Variants in PPP3R1 observed in about 807,000 individuals in gnomAD.
The protein encoded by PPP3R1 is calcineurin subunit B type 1.
PPP3R1 carries 5 observed loss-of-function variants against 22.6 expected under a neutral mutation model. The ratio of observed to expected loss-of-function variants is 0.22; its 90% CI spans 0.12 to 0.46. The LOEUF (loss-of-function observed/expected upper bound fraction) is 0.46. PPP3R1 is among the 20% of genes least tolerant of loss of function. The pLI is 0.99. For missense variants in PPP3R1, 61 were observed against 203.2 expected, an observed-to-expected ratio of 0.30 and a Z score of 4.25; for synonymous variants, 56 against 65.2, an observed-to-expected ratio of 0.86 and a Z score of 0.68.
intron 2 of PPP3R1, among the ~76,000 whole-genome samples, chr2:68,198,335 ATATG>A (rs1558631061): frequency 8.8e-5 from 8 of 91,092 alleles, no homozygotes; most frequent in African/African-American, 4.0e-4. Context: ...ATATGTACAT[ATATG>A]TACATGTATA....
At chr2:68,240,921 CAG>C (rs1269840236) in intron 1 of PPP3R1, among the ~76,000 whole-genome samples, 1 of 152,152 alleles carries the variant, frequency 6.6e-6, no homozygotes, top group African/African-American at 2.4e-5. Flanking sequence ...TAAAAATGGT[CAG>C]AGAGGTAGAA....
At chr2:68,237,440 C>G (rs1234469273) in intron 1 of PPP3R1, among the ~76,000 whole-genome samples, 1 of 151,976 alleles carries the variant, frequency 6.6e-6, no homozygotes, top group Non-Finnish European at 1.5e-5. Flanking sequence ...CTTGCTCTAC[C>G]ATATCATGTT....
intron 1 of PPP3R1, among the ~76,000 whole-genome samples, chr2:68,246,067 CTTTTTTTTTT>C (rs746584723): frequency 2.0e-4 from 15 of 73,810 alleles, no homozygotes; most frequent in African/African-American, 8.2e-4. Flanking sequence ...TTCTTTCTTT[CTTTTTTTTTT>C]TTTTTTTTTT....
rs1409009358 is a variant in PPP3R1 at position 68,207,012 on chromosome 2, G to A, written c.43+10080C>T. Among the ~76,000 whole-genome samples, 7 of 151,654 alleles carry A rather than the reference G, an allele frequency of 4.6e-5. No homozygotes were observed. The East Asian group carries it at 1.4e-3, about 29-fold the overall frequency. On this transcript the variant is annotated intron_variant, in intron 2 of 5. Coordinates refer to ENST00000234310, the MANE Select transcript of PPP3R1 (RefSeq NM_000945.4). ...TAAATAGGGAAGTATAAATAGTGAA[G>A]TGTGTCAAGGACTGATTTCAACAAT...
intron 1 of PPP3R1, among the ~76,000 whole-genome samples, chr2:68,219,150 T>C (rs1304612705): frequency 6.6e-6 from 1 of 152,166 alleles, no homozygotes; most frequent in Non-Finnish European, 1.5e-5. Flanking sequence ...AGTCCTTTAA[T>C]TAAGAGAACT....
chr2:68,252,132 CTCGGCGGG>C lies in PPP3R1; in HGVS notation c.-13_-6del, dbSNP rs747345878. 4 of 1,438,910 alleles carry C rather than the reference CTCGGCGGG, an allele frequency of 2.8e-6. No homozygotes were observed. The highest frequency in any genetic ancestry group is 3.0e-5 in the East Asian group (1 of 33,096). The allele number at this position is 1,438,910 out of a possible 1,614,324, so 89.1% of individuals were successfully genotyped here. A position where few individuals can be genotyped will look rare whatever the true frequency, so the allele number is the denominator to read the frequency against. On this transcript the variant is annotated 5_prime_UTR_variant, in exon 1 of 6. Transcript: ENST00000234310. ...AGGAAGCCAAGGTCTCACCATTTTG[CTCGGCGGG>C]TCGGCGGCTCGCTGGCTCGCTGGCT...
chr2:68,249,838 GAATT>G (rs1330011822), intron 1 of PPP3R1, among the ~76,000 whole-genome samples: 1 of 152,034 alleles, frequency 6.6e-6, no homozygotes, highest in Non-Finnish European at 1.5e-5. Flanking sequence ...TTCCATACTT[GAATT>G]AACTAGTGAT....
At chr2:68,182,366 C>T (rs951568200) in intron 5 of PPP3R1, among the ~76,000 whole-genome samples, 2 of 152,086 alleles carry the variant, frequency 1.3e-5, no homozygotes, top group African/African-American at 4.8e-5. Context: ...TATGCAGTGG[C>T]AATAATTTAA....
intron 1 of PPP3R1, among the ~76,000 whole-genome samples, chr2:68,240,917 T>C (rs1052469994): frequency 1.3e-5 from 2 of 152,102 alleles, no homozygotes; most frequent in African/African-American, 2.4e-5. Context: ...AGACTAAAAA[T>C]GGTCAGAGAG....
intron 2 of PPP3R1, among the ~76,000 whole-genome samples, chr2:68,201,348 T>C (rs1456373352): frequency 6.6e-6 from 1 of 152,240 alleles, no homozygotes; most frequent in African/African-American, 2.4e-5. Flanking sequence ...CTTACACGTA[T>C]GGCTCCTCCA....
chr2:68,191,629 T>C (rs934496360), intron 2 of PPP3R1, among the ~76,000 whole-genome samples: 1 of 152,184 alleles, frequency 6.6e-6, no homozygotes, highest in Admixed American at 6.5e-5. Context: ...GTACATGTAT[T>C]TTCAGCTCCA....
chr2:68,224,530 G>A (rs1331788403), intron 1 of PPP3R1, among the ~76,000 whole-genome samples: 1 of 152,048 alleles, frequency 6.6e-6, no homozygotes, highest in African/African-American at 2.4e-5. Flanking sequence ...CGGGCGTGGT[G>A]GCAGGCGCCT....
intron 2 of PPP3R1, among the ~76,000 whole-genome samples, chr2:68,215,427 T>G (rs901728364): frequency 6.6e-6 from 1 of 152,134 alleles, no homozygotes; most frequent in South Asian, 2.1e-4. Flanking sequence ...CATAGTAAAT[T>G]TGAAAGCTTC....
intron 1 of PPP3R1, among the ~76,000 whole-genome samples, chr2:68,222,244 CATT>C (rs771975963): frequency 6.6e-6 from 1 of 152,076 alleles, no homozygotes; most frequent in Non-Finnish European, 1.5e-5. Flanking sequence ...AACACTGTAT[CATT>C]ATTTGAAGGT....
chr2:68,186,034 A>C (rs1674537785), intron 5 of PPP3R1, among the ~76,000 whole-genome samples: 1 of 152,240 alleles, frequency 6.6e-6, no homozygotes, highest in African/African-American at 2.4e-5. Flanking sequence ...CATTACTGAC[A>C]GAAAAATTTC....
chr2:68,236,032 T>C (rs1670012861), intron 1 of PPP3R1, among the ~76,000 whole-genome samples: 1 of 152,142 alleles, frequency 6.6e-6, no homozygotes, highest in Admixed American at 6.6e-5. Flanking sequence ...TTAAATTGAG[T>C]TGTCTTTTTA....
intron 5 of PPP3R1, among the ~76,000 whole-genome samples, chr2:68,185,819 C>A (rs999705700): frequency 3.3e-5 from 5 of 152,168 alleles, no homozygotes; most frequent in Non-Finnish European, 5.9e-5. Context: ...GCAGTCTATT[C>A]TTTACAGTGC....
chr2:68,230,385 T>C (rs781020558), intron 1 of PPP3R1, among the ~76,000 whole-genome samples: 10 of 152,208 alleles, frequency 6.6e-5, no homozygotes, highest in Non-Finnish European at 1.5e-4. Flanking sequence ...CATGTATCTG[T>C]AGAGCTTCCT....
In PPP3R1 at chr2:68,180,952, T is replaced by C; in HGVS notation, c.*11A>G. The C allele has an allele frequency of 1.2e-6, 2 of 1,610,788 alleles. No individual in the cohort carries two copies. The highest frequency in any genetic ancestry group is 1.7e-6 in the Non-Finnish European group (2 of 1,177,146). On this transcript the variant is annotated 3_prime_UTR_variant, in exon 6 of 6. Coordinates refer to ENST00000234310, the MANE Select transcript of PPP3R1 (RefSeq NM_000945.4). Reference sequence around the variant, plus strand: ...AAAGCAAAAGTGTTGGGTGGTACTCTCTGATAAGAGTCACACATCTACCAC... The same window carrying C: ...AAAGCAAAAGTGTTGGGTGGTACTCCCTGATAAGAGTCACACATCTACCAC...
Sources: allele counts gnomAD v4.1 joint callset (sites outside exome capture counted in the v4.1 genomes callset), GRCh38; gene constraint gnomAD v4.1.1; transcripts MANE v1.5; gene names NCBI Gene and HGNC (gene_info 2026-07-23, HGNC 2026-07-21).